MYO16: variants seen among roughly 807,000 people sequenced by gnomAD.
MYO16 encodes the protein myosin XVI.
A neutral mutation model predicts 205.3 loss-of-function variants in MYO16; 94 were observed. That is an observed-to-expected ratio of 0.46 (90% CI 0.39 to 0.54). The LOEUF (loss-of-function observed/expected upper bound fraction) is 0.54. Among genes scored for constraint, MYO16 ranks in the 20% least tolerant of loss-of-function variants. The pLI, the probability that MYO16 is intolerant of heterozygous loss-of-function variation, is 0.00. For synonymous variants in MYO16, 988 were observed against 954.0 expected (o/e 1.04, Z -0.66); for missense variants, 2,315 against 2,387.5 (o/e 0.97, Z 0.63).
intron 27 of MYO16, among the ~76,000 whole-genome samples, chr13:109,072,568 G>A (rs943408168): frequency 7.5e-6 from 1 of 132,786 alleles, no homozygotes; most frequent in Non-Finnish European, 1.6e-5. Flanking sequence ...AAAATCTGTG[G>A]CATTAAACAC....
chr13:108,771,138 T>G (rs1475891784), intron 4 of MYO16, among the ~76,000 whole-genome samples: 1 of 151,956 alleles, frequency 6.6e-6, no homozygotes, highest in Non-Finnish European at 1.5e-5. Context: ...TGGGGAGAGG[T>G]AGGGCGTAGA....
At chr13:108,556,349 C>A in the MYO16 span, among the ~76,000 whole-genome samples, 3 of 152,248 alleles carry the variant, frequency 2.0e-5, no homozygotes, top group Admixed American at 6.5e-5. Flanking sequence ...GAGGTAATAT[C>A]TCATTATGGT....
the MYO16 span, among the ~76,000 whole-genome samples, chr13:108,572,771 G>A: frequency 5.3e-5 from 8 of 152,092 alleles, no homozygotes; most frequent in South Asian, 1.5e-3. Flanking sequence ...TAGATCTATC[G>A]GTATATTTGA....
In MYO16 at chr13:109,136,964, G is replaced by A. The variant is rs183361356; in HGVS notation, c.4052-3300G>A. On this transcript the variant is annotated intron_variant, in intron 31 of 34. Coordinates refer to ENST00000457511, the MANE Select transcript of MYO16 (RefSeq NM_001198950.3). ...AGAAAAGGTTATTATATCTCTCATG[G>A]TTCTAGTATTTCGCTGGGCTCTGCT... Among the ~76,000 whole-genome samples the A allele has an allele frequency of 2.4e-3, 358 of 152,294 alleles. 2 individuals are homozygous for A. Among genetic ancestry groups the A allele is most frequent in the Middle Eastern group, 6.8e-3 (2 of 294 alleles).
At chr13:108,736,446 A>T (rs1222378817) in intron 4 of MYO16, among the ~76,000 whole-genome samples, 1 of 152,066 alleles carries the variant, frequency 6.6e-6, no homozygotes, top group African/African-American at 2.4e-5. Context: ...CAAAGATCAG[A>T]TGGTTGTAGA....
At chr13:109,095,659 C>T (rs769494399) in intron 27 of MYO16, among the ~76,000 whole-genome samples, 4 of 152,002 alleles carry the variant, frequency 2.6e-5, no homozygotes, top group East Asian at 1.9e-4. Flanking sequence ...TTCAGATGCT[C>T]GAATTATATC....
intron 33 of MYO16, among the ~76,000 whole-genome samples, chr13:109,169,313 TGGAA>T (rs1878831726): frequency 6.6e-6 from 1 of 151,636 alleles, no homozygotes; most frequent in African/African-American, 2.4e-5. Flanking sequence ...ACTATGAAAA[TGGAA>T]GGAAAGATAT....
At chr13:108,758,867 T>A (rs568292695) in intron 4 of MYO16, among the ~76,000 whole-genome samples, 1 of 152,248 alleles carries the variant, frequency 6.6e-6, no homozygotes, top group Non-Finnish European at 1.5e-5. Flanking sequence ...ATAGTGGACA[T>A]TCCTGATGTA....
the MYO16 span, among the ~76,000 whole-genome samples, chr13:108,547,840 A>C: frequency 6.6e-6 from 1 of 152,226 alleles, no homozygotes; most frequent in Admixed American, 6.5e-5. Flanking sequence ...TAATGAAGGC[A>C]GTCCCTATTC....
chr13:108,823,236 A>G lies in MYO16; in HGVS notation c.1055A>G (p.Tyr352Cys), dbSNP rs777400706. The change falls in exon 9 of 35, where the codon TAT becomes TGT. Residue 352 changes from tyrosine to cysteine, a missense_variant. Transcript: ENST00000457511. ...SASTLAQEEP[Y>C]EEIIHDLPVL... ...TCTACCTTAGCTCAAGAAGAGCCCT[A>G]TGAAGAGATCATTCACGATCTTCCC... The G allele has an allele frequency of 5.0e-6, 8 of 1,612,922 alleles. No homozygotes were observed. In the South Asian group the frequency reaches 5.5e-5, roughly 11 times the overall value.
In MYO16 at chr13:109,095,336, C is replaced by T. The variant is rs559516224; in HGVS notation, c.3336-5449C>T. 5.9e-5 allele frequency among the ~76,000 whole-genome samples: 9 copies of T among 152,308 alleles called. No individual in the cohort carries two copies. The South Asian group carries it at 1.0e-3, about 18-fold the overall frequency. The stretch of plus-strand genomic sequence containing the variant: ...TCCCTCTCCAGTTGCTCCTGTGCTC[C>T]GGACTCACGTCCTGCTCCAGGCTTG... On this transcript the variant is annotated intron_variant, in intron 27 of 34. Transcript: ENST00000457511.
chr13:109,193,933 G>A (rs570622653), intron 34 of MYO16, among the ~76,000 whole-genome samples: 1 of 152,076 alleles, frequency 6.6e-6, no homozygotes, highest in Non-Finnish European at 1.5e-5. Flanking sequence ...CTTTCTTCTT[G>A]TTGTGTCCTA....
At chr13:108,581,933 C>T in the MYO16 span, among the ~76,000 whole-genome samples, 37 of 149,830 alleles carry the variant, frequency 2.5e-4, no homozygotes, top group African/African-American at 8.3e-4. Context: ...GGAAGTTTGT[C>T]AGCACTGTTA....
chr13:109,155,994 A>G (rs913054148), intron 32 of MYO16, among the ~76,000 whole-genome samples: 39 of 152,224 alleles, frequency 2.6e-4, no homozygotes, highest in African/African-American at 9.4e-4. Context: ...TGTAAAAGAA[A>G]ACAAATCACT....
chr13:109,128,969 A>G (rs1272882180), intron 31 of MYO16, among the ~76,000 whole-genome samples: 1 of 151,476 alleles, frequency 6.6e-6, no homozygotes, highest in African/African-American at 2.4e-5. Flanking sequence ...ACAGGGTCTC[A>G]CCATGTTGGC....
At chr13:108,540,195 G>T in the MYO16 span, among the ~76,000 whole-genome samples, 1 of 152,152 alleles carries the variant, frequency 6.6e-6, no homozygotes, top group Admixed American at 6.5e-5. Flanking sequence ...ACACTGGTAG[G>T]AAAATATTTG....
chr13:108,938,496 C>T (rs1229920521), intron 16 of MYO16, among the ~76,000 whole-genome samples: 2 of 152,192 alleles, frequency 1.3e-5, no homozygotes, highest in African/African-American at 2.4e-5. Context: ...GGATGGCCAC[C>T]AAGCGCTCAG....
intron 16 of MYO16, among the ~76,000 whole-genome samples, chr13:108,937,472 T>G (rs1344955088): frequency 1.3e-5 from 2 of 152,230 alleles, no homozygotes; most frequent in Non-Finnish European, 2.9e-5. Flanking sequence ...TCGACTTGTT[T>G]ACTTTATATT....
the MYO16 span, among the ~76,000 whole-genome samples, chr13:108,567,530 GA>G: frequency 6.6e-6 from 1 of 152,100 alleles, no homozygotes; most frequent in East Asian, 1.9e-4. Flanking sequence ...GCGATTACCT[GA>G]AAATTACTAA....
Sources: allele counts gnomAD v4.1 joint callset (sites outside exome capture counted in the v4.1 genomes callset), GRCh38; gene constraint gnomAD v4.1.1; transcripts MANE v1.5; gene names NCBI Gene and HGNC (gene_info 2026-07-23, HGNC 2026-07-21).